Variants in C8orf34 observed in about 807,000 individuals in gnomAD.
C8orf34 encodes the protein uncharacterized protein C8orf34.
Under a neutral mutation model 68.3 loss-of-function variants are expected in C8orf34, and 65 were observed. The ratio of observed to expected loss-of-function variants is 0.95; its 90% CI spans 0.78 to 1.17. The LOEUF is 1.17. C8orf34 is among the 50% of genes most tolerant of loss of function. The pLI is 0.00. For missense variants in C8orf34, 664 were observed against 655.4 expected (o/e 1.01, Z -0.14); for synonymous variants, 244 against 241.2 (o/e 1.01, Z -0.11).
At chr8:68,671,634 T>C (rs1157067238) in intron 8 of C8orf34, among the ~76,000 whole-genome samples, 1 of 152,240 alleles carries the variant, frequency 6.6e-6, no homozygotes, top group Non-Finnish European at 1.5e-5. Flanking sequence ...TTTCAATTTG[T>C]AGTTGTGTTA....
At chr8:68,735,421 T>C (rs929543954) in intron 10 of C8orf34, among the ~76,000 whole-genome samples, 1 of 152,234 alleles carries the variant, frequency 6.6e-6, no homozygotes, top group African/African-American at 2.4e-5. Flanking sequence ...GTGAATGTTT[T>C]GTCTTTTCTA....
At chr8:68,633,214 A>G (rs1468562251) in intron 7 of C8orf34, among the ~76,000 whole-genome samples, 3 of 152,122 alleles carry the variant, frequency 2.0e-5, no homozygotes, top group Non-Finnish European at 4.4e-5. Flanking sequence ...TATGTGACGA[A>G]CTAGATAGTA....
intron 8 of C8orf34, among the ~76,000 whole-genome samples, chr8:68,684,120 C>G (rs986045954): frequency 6.6e-6 from 1 of 152,078 alleles, no homozygotes; most frequent in Non-Finnish European, 1.5e-5. Context: ...TTTCTTTCAT[C>G]ATCTGAATGA....
At chr8:68,463,616 G>A (rs1220803025) in intron 3 of C8orf34, among the ~76,000 whole-genome samples, 3 of 152,152 alleles carry the variant, frequency 2.0e-5, no homozygotes, top group Non-Finnish European at 2.9e-5. Context: ...CTTCATCCCT[G>A]GGATGCAAGG....
At chr8:68,658,192 C>A (rs1031871116) in intron 8 of C8orf34, among the ~76,000 whole-genome samples, 1 of 152,054 alleles carries the variant, frequency 6.6e-6, no homozygotes, top group African/African-American at 2.4e-5. Flanking sequence ...ATTTTTATTA[C>A]AATTTACTTG....
intron 5 of C8orf34, among the ~76,000 whole-genome samples, chr8:68,508,998 T>C (rs1563494898): frequency 6.6e-6 from 1 of 152,142 alleles, no homozygotes; most frequent in Non-Finnish European, 1.5e-5. Flanking sequence ...GCTGCAAATG[T>C]TGTGAACTTC....
chr8:68,375,694 A>G (rs1425330070), intron 1 of C8orf34, among the ~76,000 whole-genome samples: 2 of 152,216 alleles, frequency 1.3e-5, no homozygotes, highest in Non-Finnish European at 2.9e-5. Flanking sequence ...TTAGAAAAAC[A>G]AAACACAAAC....
At chr8:68,387,699 C>A (rs2129620473) in intron 1 of C8orf34, among the ~76,000 whole-genome samples, 1 of 151,984 alleles carries the variant, frequency 6.6e-6, no homozygotes, top group East Asian at 1.9e-4. Context: ...CGTAGAAAAC[C>A]ATTCTTAATG....
At chr8:68,644,687 A>T (rs1026230246) in intron 8 of C8orf34, among the ~76,000 whole-genome samples, 1 of 152,146 alleles carries the variant, frequency 6.6e-6, no homozygotes, top group African/African-American at 2.4e-5. Context: ...GAAGATACAG[A>T]CAGCATTCTA....
In C8orf34 at chr8:68,543,733, A is replaced by G. The variant is rs549705519; in HGVS notation, c.1105+10584A>G. On this transcript the variant is annotated intron_variant, in intron 7 of 13. Transcript: ENST00000518698. Reference sequence around the variant, plus strand: ...TAATATTTTATATTTACATGAGTATATATGTAGTTTTCTTCTGATAAAGTT... The same window carrying G: ...TAATATTTTATATTTACATGAGTATGTATGTAGTTTTCTTCTGATAAAGTT... Among the ~76,000 whole-genome samples, 3 of 152,318 alleles carry G rather than the reference A, an allele frequency of 2.0e-5. No individual in the cohort carries two copies. In the South Asian group the frequency reaches 6.2e-4, roughly 32 times the overall value.
intron 7 of C8orf34, among the ~76,000 whole-genome samples, chr8:68,600,072 A>G (rs1197710066): frequency 1.3e-5 from 2 of 152,078 alleles, no homozygotes; most frequent in African/African-American, 2.4e-5. Flanking sequence ...TACAATACCA[A>G]ATTATGACAA....
At chr8:68,397,084 G>A (rs767525006) in intron 1 of C8orf34, among the ~76,000 whole-genome samples, 8 of 151,824 alleles carry the variant, frequency 5.3e-5, no homozygotes, top group Admixed American at 1.3e-4. Flanking sequence ...TTGGCTCACC[G>A]CATCCTCCAT....
intron 10 of C8orf34, among the ~76,000 whole-genome samples, chr8:68,763,016 G>T (rs1195871463): frequency 1.3e-5 from 2 of 152,164 alleles, no homozygotes; most frequent in African/African-American, 4.8e-5. Flanking sequence ...GTATCACTTT[G>T]TGGTTTTGCC....
chr8:68,728,455 C>T (rs1484269087), intron 10 of C8orf34, among the ~76,000 whole-genome samples: 1 of 152,184 alleles, frequency 6.6e-6, no homozygotes, highest in Non-Finnish European at 1.5e-5. Flanking sequence ...TCCATATTTT[C>T]AGGTATCTTT....
At chr8:68,727,430 C>T (rs537120806) in intron 10 of C8orf34, among the ~76,000 whole-genome samples, 7 of 152,220 alleles carry the variant, frequency 4.6e-5, no homozygotes, top group East Asian at 3.9e-4. Flanking sequence ...AGGAGCATGG[C>T]GCAAGCTGTC....
At chr8:68,486,510 T>C (rs954896777) in intron 4 of C8orf34, among the ~76,000 whole-genome samples, 1 of 152,194 alleles carries the variant, frequency 6.6e-6, no homozygotes, top group Non-Finnish European at 1.5e-5. Context: ...TTATAAAATA[T>C]TGAAGAATAA....
intron 8 of C8orf34, among the ~76,000 whole-genome samples, chr8:68,659,275 G>C (rs1162206651): frequency 6.6e-6 from 1 of 152,120 alleles, no homozygotes; most frequent in Non-Finnish European, 1.5e-5. Flanking sequence ...TTCCAGCCTT[G>C]ATTTAATATT....
intron 5 of C8orf34, among the ~76,000 whole-genome samples, chr8:68,499,972 G>A (rs1480772140): frequency 6.6e-6 from 1 of 152,074 alleles, no homozygotes; most frequent in African/African-American, 2.4e-5. Flanking sequence ...GTTCATGTGA[G>A]ATCTGGTTGT....
At chr8:68,334,416 G>A (rs1010767695) in intron 1 of C8orf34, among the ~76,000 whole-genome samples, 1 of 150,972 alleles carries the variant, frequency 6.6e-6, no homozygotes, top group Non-Finnish European at 1.5e-5. Flanking sequence ...CATCTTACAA[G>A]ATAAATATTT....
Sources: gnomAD v4.1 joint callset for allele counts (sites outside exome capture counted in the v4.1 genomes callset) on GRCh38, gnomAD v4.1.1 for gene constraint, MANE v1.5 for transcripts, NCBI Gene and HGNC (gene_info 2026-07-23, HGNC 2026-07-21) for gene names.